FOXN3: variants seen among roughly 807,000 people sequenced by gnomAD.
FOXN3 encodes the protein forkhead box N3.
A neutral mutation model predicts 38.4 loss-of-function variants in FOXN3; 7 were observed. The ratio of observed to expected loss-of-function variants is 0.18; its 90% CI spans 0.10 to 0.34. FOXN3 has a LOEUF of 0.34. Among genes scored for constraint, FOXN3 ranks in the 10% least tolerant of loss-of-function variants. FOXN3 has a pLI of 1.00. For missense variants in FOXN3, 456 were observed against 613.4 expected, an observed-to-expected ratio of 0.74 and a Z score of 2.71; for synonymous variants, 230 against 242.2, an observed-to-expected ratio of 0.95 and a Z score of 0.47.
chr14:89,435,511 G>A (rs866058304), intron 1 of FOXN3, among the ~76,000 whole-genome samples: 9 of 151,976 alleles, frequency 5.9e-5, no homozygotes, highest in Non-Finnish European at 7.4e-5. Context: ...TCATCTCCAC[G>A]TCCATGGCGC....
At chr14:89,480,417 T>A (rs1201474811) in intron 1 of FOXN3, among the ~76,000 whole-genome samples, 2 of 148,138 alleles carry the variant, frequency 1.4e-5, no homozygotes, top group Admixed American at 6.7e-5. Context: ...AAAAAAAAAA[T>A]GGTTTGAGAA....
intron 3 of FOXN3, among the ~76,000 whole-genome samples, chr14:89,336,515 G>C (rs544194375): frequency 6.6e-6 from 1 of 152,312 alleles, no homozygotes; most frequent in South Asian, 2.1e-4. Flanking sequence ...ACCTTGAGAA[G>C]AACTCAGGCT....
intron 2 of FOXN3, among the ~76,000 whole-genome samples, chr14:89,360,735 T>TCCA (rs1177064004): frequency 4.8e-5 from 5 of 104,930 alleles, no homozygotes; most frequent in Admixed American, 9.2e-5. Context: ...CACCACCACC[T>TCCA]CCAGCACCAC....
At chr14:89,582,171 G>A (rs778025613) in intron 1 of FOXN3, among the ~76,000 whole-genome samples, 2 of 152,176 alleles carry the variant, frequency 1.3e-5, no homozygotes, top group African/African-American at 4.8e-5. Flanking sequence ...TCTGTGGGAA[G>A]CATGTAAATC....
chr14:89,255,786 C>T (rs1372581470), intron 4 of FOXN3, among the ~76,000 whole-genome samples: 3 of 152,110 alleles, frequency 2.0e-5, no homozygotes, highest in Non-Finnish European at 2.9e-5. Context: ...AACTGACCTT[C>T]CAGGAGAAAC....
rs560339138 is a variant in FOXN3, at chr14:89,468,440, G to A, written c.-14-55950C>T. ...CTGCACAACATCCTGGGTGACAGAG[G>A]AAGGCTGTGTCTCAAAACACACACA... On this transcript the variant is annotated intron_variant, in intron 1 of 6. Transcript: ENST00000345097. 2.6e-5 allele frequency among the ~76,000 whole-genome samples: 4 copies of A among 151,488 alleles called. No individual in the cohort carries two copies. In the East Asian group the frequency reaches 7.8e-4, roughly 30 times the overall value.
chr14:89,227,813 A>G (rs1406232980), intron 4 of FOXN3, among the ~76,000 whole-genome samples: 1 of 152,244 alleles, frequency 6.6e-6, no homozygotes, highest in Non-Finnish European at 1.5e-5. Flanking sequence ...GTGCTCCAGC[A>G]GCTAAGAACG....
intron 1 of FOXN3, among the ~76,000 whole-genome samples, chr14:89,425,353 G>A (rs1442752535): frequency 6.6e-6 from 1 of 151,734 alleles, no homozygotes; most frequent in African/African-American, 2.4e-5. Flanking sequence ...ACAGGCATGA[G>A]CCACTGCGCC....
intron 4 of FOXN3, among the ~76,000 whole-genome samples, chr14:89,269,275 T>G (rs990610939): frequency 6.6e-6 from 1 of 152,048 alleles, no homozygotes; most frequent in Non-Finnish European, 1.5e-5. Context: ...GACCATGAGG[T>G]AGGGAGAAGT....
chr14:89,302,413 T>G (rs1887243439), intron 3 of FOXN3, among the ~76,000 whole-genome samples: 1 of 152,224 alleles, frequency 6.6e-6, no homozygotes, highest in Non-Finnish European at 1.5e-5. Flanking sequence ...CGTATGATTG[T>G]GAGGGTTTTG....
In FOXN3 at chr14:89,389,899, T is replaced by A. The variant is rs4904561; in HGVS notation, c.543+22035A>T. On this transcript the variant is annotated intron_variant, in intron 2 of 5. Transcript: ENST00000557258. ...CAACTACAAAATGTCATAAAATAAA[T>A]CCTTGTTTTTCACTTTTATAAACAA... Among the ~76,000 whole-genome samples the A allele has an allele frequency of 2.3e-3, 348 of 151,696 alleles. 8 individuals carry two copies. Among genetic ancestry groups the A allele is most frequent in the Admixed American group, 0.018 (267 of 15,240 alleles).
intron 1 of FOXN3, among the ~76,000 whole-genome samples, chr14:89,443,946 T>G (rs576163541): frequency 7.1e-6 from 1 of 141,472 alleles, no homozygotes; most frequent in African/African-American, 2.7e-5. Flanking sequence ...GAGGTGGAGG[T>G]TGCAGTGAGC....
At chr14:89,338,258 T>C in intron 3 of FOXN3, among the ~76,000 whole-genome samples, 1 of 152,242 alleles carries the variant, frequency 6.6e-6, no homozygotes, top group East Asian at 1.9e-4. Flanking sequence ...CAATGATTTC[T>C]GGCATCCCAG....
intron 4 of FOXN3, among the ~76,000 whole-genome samples, chr14:89,243,420 C>T (rs1189085149): frequency 6.6e-6 from 1 of 152,164 alleles, no homozygotes; most frequent in Non-Finnish European, 1.5e-5. Context: ...GCAAGCAGCA[C>T]AAACACCCGC....
chr14:89,543,558 G>A (rs906465578), intron 1 of FOXN3, among the ~76,000 whole-genome samples: 7 of 152,322 alleles, frequency 4.6e-5, no homozygotes, highest in Admixed American at 1.3e-4. Flanking sequence ...CGACTAAAAA[G>A]GGAGCCAGTG....
chr14:89,449,652 G>T (rs750906536), intron 1 of FOXN3, among the ~76,000 whole-genome samples: 48 of 152,190 alleles, frequency 3.2e-4, no homozygotes, highest in Non-Finnish European at 5.9e-4. Context: ...GTTTTTGGGG[G>T]GCAGGAGGCC....
intron 1 of FOXN3, among the ~76,000 whole-genome samples, chr14:89,556,721 G>A (rs1235308778): frequency 6.6e-6 from 1 of 152,210 alleles, no homozygotes; most frequent in East Asian, 1.9e-4. Flanking sequence ...CTACTGACAA[G>A]GAATGCCTGT....
At chr14:89,482,091 TA>T (rs1164644094) in intron 1 of FOXN3, among the ~76,000 whole-genome samples, 1 of 152,262 alleles carries the variant, frequency 6.6e-6, no homozygotes, top group African/African-American at 2.4e-5. Flanking sequence ...TCATACACTT[TA>T]TTTGAACTTT....
intron 4 of FOXN3, among the ~76,000 whole-genome samples, chr14:89,183,176 T>C (rs182989683): frequency 3.3e-5 from 5 of 152,178 alleles, no homozygotes; most frequent in African/African-American, 7.2e-5. Flanking sequence ...GTTTCCATAA[T>C]TGTGGTGTAC....
Sources: allele counts gnomAD v4.1 joint callset (sites outside exome capture counted in the v4.1 genomes callset), GRCh38; gene constraint gnomAD v4.1.1; transcripts MANE v1.5; gene names NCBI Gene and HGNC (gene_info 2026-07-23, HGNC 2026-07-21).